Variants in CRCP observed in about 807,000 individuals in gnomAD.
CRCP encodes the protein CGRP receptor component.
In CRCP, 18 loss-of-function variants were observed where a neutral mutation model predicts 18.5. The ratio of observed to expected loss-of-function variants is 0.97; its 90% CI spans 0.67 to 1.44. The LOEUF (loss-of-function observed/expected upper bound fraction) is 1.44, where lower values mean the gene tolerates loss of function less well. Ranked by LOEUF, CRCP falls within the 40% of genes most tolerant of loss-of-function variation. The probability of loss-of-function intolerance (pLI) is 0.00; values close to 1 mark genes in which losing one functional copy is unlikely to be tolerated. For missense variants in CRCP, 130 were observed against 176.4 expected, an observed-to-expected ratio of 0.74 and a Z score of 1.49; for synonymous variants, 53 against 62.9, an observed-to-expected ratio of 0.84 and a Z score of 0.75.
intron 4 of CRCP, among the ~76,000 whole-genome samples, chr7:66,143,892 A>G (rs1788212984): frequency 6.6e-6 from 1 of 152,226 alleles, no homozygotes; most frequent in Non-Finnish European, 1.5e-5. Flanking sequence ...TAATCCTCTC[A>G]TAAGATAGTT....
At chr7:66,131,799 C>T (rs927958372) in intron 3 of CRCP, among the ~76,000 whole-genome samples, 3 of 150,778 alleles carry the variant, frequency 2.0e-5, no homozygotes, top group Non-Finnish European at 2.9e-5. Flanking sequence ...CGGATTCTCG[C>T]TCCTGTTGCC....
chr7:66,130,999 G>C (rs1787785301), intron 3 of CRCP, among the ~76,000 whole-genome samples, 157 bp downstream of exon 3: 2 of 152,148 alleles, frequency 1.3e-5, no homozygotes, highest in African/African-American at 2.4e-5. Context: ...TTTTGACACA[G>C]AGTCTCGCTC....
chr7:66,152,475 G>A lies in CRCP; in HGVS notation c.*118G>A, dbSNP rs1788506372. The A allele has an allele frequency of 4.5e-6, 5 of 1,111,170 alleles. No homozygotes were observed. Among genetic ancestry groups the A allele is most frequent in the East Asian group, 2.6e-5 (1 of 39,150 alleles). The allele number at this position is 1,111,170 out of a possible 1,614,324, so 68.8% of individuals were successfully genotyped here. On this transcript the variant is annotated 3_prime_UTR_variant, in exon 6 of 6. Coordinates refer to ENST00000395326, the MANE Select transcript of CRCP (RefSeq NM_014478.5). ...TCATCCCAGCAGGCCTGGCTTTGTG[G>A]TTAGTTGGGTACATCACAAAAATAA...
chr7:66,138,551 C>T (rs929812510), intron 4 of CRCP, among the ~76,000 whole-genome samples: 8 of 148,738 alleles, frequency 5.4e-5, no homozygotes, highest in Admixed American at 2.7e-4. Context: ...TTTGGGAGGC[C>T]GAGGCTGGCA....
intron 4 of CRCP, among the ~76,000 whole-genome samples, chr7:66,134,935 G>T (rs1787927214): frequency 6.6e-6 from 1 of 152,134 alleles, no homozygotes; most frequent in Non-Finnish European, 1.5e-5. Context: ...AACTCACAAG[G>T]CTGGGGAAAG....
At chr7:66,122,542 A>G (rs1008767645) in intron 1 of CRCP, among the ~76,000 whole-genome samples, 1 of 152,168 alleles carries the variant, frequency 6.6e-6, no homozygotes, top group Non-Finnish European at 1.5e-5. Context: ...AAATTTTACA[A>G]GAAGTGTCAA....
chr7:66,129,213 A>G (rs940396352), intron 2 of CRCP, among the ~76,000 whole-genome samples: 3 of 152,112 alleles, frequency 2.0e-5, no homozygotes, highest in Non-Finnish European at 2.9e-5. Flanking sequence ...GGCGCCTGTA[A>G]TCCCAGCTGC....
intron 3 of CRCP, among the ~76,000 whole-genome samples, chr7:66,131,941 A>G (rs1034271267): frequency 1.1e-5 from 1 of 90,546 alleles, no homozygotes; most frequent in Non-Finnish European, 2.3e-5. Context: ...TTGTATTTTT[A>G]GTAGAGACAG....
chr7:66,144,334 G>A lies in CRCP; in HGVS notation c.240-1109G>A, dbSNP rs145088954. ...CTGGGTTAAGTGCTTTCAGGGCAGA[G>A]GCACTGTACCTGTATTTCTGTGTAT... is the stretch of plus-strand genomic sequence containing the variant. On this transcript the variant is annotated intron_variant, in intron 4 of 5. Transcript: ENST00000395326. 1.8e-3 allele frequency among the ~76,000 whole-genome samples: 281 copies of A among 152,284 alleles called. 2 individuals carry two copies. Among genetic ancestry groups the A allele is most frequent in the Middle Eastern group, 6.8e-3 (2 of 294 alleles).
At chr7:66,127,812 G>C (rs763372593) in intron 2 of CRCP, 72 bp downstream of exon 2, 8 of 1,546,046 alleles carry the variant, frequency 5.2e-6, no homozygotes, top group Non-Finnish European at 5.4e-6. Flanking sequence ...ATTGATTTTG[G>C]TTAGAAATGA....
In CRCP at chr7:66,114,913, G is replaced by A. The variant is rs776249784; in HGVS notation, c.-50G>A. ...TGGTGGCGGCGGAGACAGCTGTGAA[G>A]TGTGAGGTTCTTTGTCTGCTGGCAG... On this transcript the variant is annotated 5_prime_UTR_variant, in exon 1 of 6. In the 5' UTR this introduces an upstream ATG that the reference lacks. Transcript: ENST00000395326. The A allele has an allele frequency of 6.2e-7, 1 of 1,611,414 alleles. No individual in the cohort carries two copies. The highest frequency in any genetic ancestry group is 1.7e-5 in the Admixed American group (1 of 59,910).
intron 1 of CRCP, among the ~76,000 whole-genome samples, chr7:66,124,643 G>A (rs1223398313): frequency 6.6e-6 from 1 of 152,012 alleles, no homozygotes; most frequent in Non-Finnish European, 1.5e-5. Context: ...TCAGCCCGGA[G>A]TAGCTGGGAT....
At chr7:66,138,700 A>T (rs1788044714) in intron 4 of CRCP, among the ~76,000 whole-genome samples, 1 of 149,972 alleles carries the variant, frequency 6.7e-6, no homozygotes, top group Non-Finnish European at 1.5e-5. Flanking sequence ...AGGCTGAGAT[A>T]GGAGAATGGC....
In CRCP at chr7:66,114,856, C is replaced by T; in HGVS notation, c.-107C>T. 1 of 1,600,232 alleles carries T rather than the reference C, an allele frequency of 6.2e-7. No homozygotes were observed. The highest frequency in any genetic ancestry group is 8.6e-7 in the Non-Finnish European group (1 of 1,169,248). On this transcript the variant is annotated 5_prime_UTR_variant, in exon 1 of 6. Coordinates refer to ENST00000395326, the MANE Select transcript of CRCP (RefSeq NM_014478.5). Reference sequence around the variant, plus strand: ...GCAGCGCGGCGATCCCGGCGAGCACCTTGGCGCGCGGAGCTGGCACCTTGG... The same window carrying T: ...GCAGCGCGGCGATCCCGGCGAGCACTTTGGCGCGCGGAGCTGGCACCTTGG...
intron 1 of CRCP, among the ~76,000 whole-genome samples, chr7:66,124,040 G>C (rs1194115023): frequency 2.2e-5 from 1 of 45,908 alleles, no homozygotes; most frequent in Non-Finnish European, 3.6e-5. Context: ...GTGAGACTCC[G>C]TCTCAAAAAA....
chr7:66,138,816 A>C (rs1175329342), intron 4 of CRCP, among the ~76,000 whole-genome samples: 1 of 151,418 alleles, frequency 6.6e-6, no homozygotes, highest in Non-Finnish European at 1.5e-5. Flanking sequence ...AATTTAAATA[A>C]ATTTCAAAAA....
chr7:66,152,241 G>A lies in CRCP; in HGVS notation c.331G>A (p.Glu111Lys). 1.2e-6 allele frequency: 2 copies of A among 1,614,074 alleles called. No homozygotes were observed. Among genetic ancestry groups the A allele is most frequent in the Non-Finnish European group, 8.5e-7 (1 of 1,179,992 alleles). ...AGAGAGTGAAGAGCGGCTCACGGAG[G>A]AGCAGATTGAAGCTCTTCTCCACAC... ...VEESEERLTE[E>K]QIEALLHTVT... Residue 111 changes from glutamate (E) to lysine (K), a missense_variant, in exon 6 of 6, where the codon GAG becomes AAG. Transcript: ENST00000395326.
intron 1 of CRCP, chr7:66,126,780 T>C (rs1388139396): frequency 3.2e-6 from 1 of 312,282 alleles, no homozygotes; most frequent in African/African-American, 2.2e-5. Flanking sequence ...TTGGTGCTTA[T>C]TGAGCACTTA....
chr7:66,152,717 A>T lies in CRCP; in HGVS notation c.*360A>T. ...GGTGGGCCATGTCCTAATTAGTTTCATCTGCTTCCCTGGGAACTTACTAAG... is the reference window on the plus strand; with the variant it reads ...GGTGGGCCATGTCCTAATTAGTTTCTTCTGCTTCCCTGGGAACTTACTAAG... On this transcript the variant is annotated 3_prime_UTR_variant, in exon 6 of 6. Coordinates refer to ENST00000395326, the MANE Select transcript of CRCP (RefSeq NM_014478.5). The T allele has an allele frequency of 4.9e-6, 1 of 203,330 alleles. No homozygotes were observed. 12.6% of individuals were successfully genotyped at this position (203,330 alleles called of 1,614,324 possible).
Sources: allele counts gnomAD v4.1 joint callset (sites outside exome capture counted in the v4.1 genomes callset), GRCh38; gene constraint gnomAD v4.1.1; transcripts MANE v1.5; gene names NCBI Gene and HGNC (gene_info 2026-07-23, HGNC 2026-07-21).